The following DGKH variants were observed in gnomAD, a reference collection of about 807,000 sequenced individuals.
The protein encoded by DGKH is diacylglycerol kinase eta.
A neutral mutation model predicts 159.3 loss-of-function variants in DGKH; 90 were observed. That is an observed-to-expected ratio of 0.57 (90% CI 0.48 to 0.67). The LOEUF is 0.67. Among genes scored for constraint, DGKH ranks in the 30% least tolerant of loss-of-function variants. The pLI is 0.00. For missense variants in DGKH, 1,181 were observed against 1,506.1 expected, an observed-to-expected ratio of 0.78 and a Z score of 3.57; for synonymous variants, 536 against 553.8, an observed-to-expected ratio of 0.97 and a Z score of 0.45.
chr13:42,108,447 T>TGAATTCATTTG (rs1416930612), intron 1 of DGKH, among the ~76,000 whole-genome samples: 1 of 152,114 alleles, frequency 6.6e-6, no homozygotes, highest in Non-Finnish European at 1.5e-5. Context: ...GGGAAGGTGC[T>TGAATTCATTTG]GAATTCATTT....
intron 5 of DGKH, among the ~76,000 whole-genome samples, chr13:42,156,535 A>G (rs1189435682): frequency 6.6e-6 from 1 of 152,194 alleles, no homozygotes; most frequent in East Asian, 1.9e-4. Flanking sequence ...GTTATTTTTA[A>G]TATAAGAGCA....
intron 1 of DGKH, among the ~76,000 whole-genome samples, chr13:42,068,700 C>T (rs1882756051): frequency 6.6e-6 from 1 of 152,144 alleles, no homozygotes; most frequent in African/African-American, 2.4e-5. Context: ...TTTCTTTTGT[C>T]TCCTCCTGCA....
chr13:42,114,522 G>C (rs1215919249), intron 1 of DGKH, among the ~76,000 whole-genome samples: 1 of 152,164 alleles, frequency 6.6e-6, no homozygotes, highest in Non-Finnish European at 1.5e-5. Context: ...GAGCATGCAG[G>C]CTACTCAGGG....
In DGKH at chr13:42,189,016, T is replaced by C. The variant is rs748577242; in HGVS notation, c.1639-20T>C. Reference sequence around the variant, plus strand: ...TGATTCTTTTTGAGTATTTTTCTCATTGCCATATTTTCCTCTCAGTGTTCA... The same window carrying C: ...TGATTCTTTTTGAGTATTTTTCTCACTGCCATATTTTCCTCTCAGTGTTCA... On this transcript the variant is annotated intron_variant, in intron 14 of 29. Coordinates refer to ENST00000337343, the MANE Select transcript of DGKH (RefSeq NM_178009.5). 5 of 1,598,164 alleles carry C rather than the reference T, an allele frequency of 3.1e-6. No homozygotes were observed. In the Admixed American group the frequency reaches 6.9e-5, roughly 22 times the overall value.
At chr13:42,152,328 G>C (rs1384404391) in intron 3 of DGKH, among the ~76,000 whole-genome samples, 2 of 151,836 alleles carry the variant, frequency 1.3e-5, no homozygotes, top group Non-Finnish European at 2.9e-5. Context: ...TTCTAGCTTT[G>C]TCCAATAGTC....
intron 1 of DGKH, among the ~76,000 whole-genome samples, chr13:42,083,471 A>G (rs1954246735): frequency 6.6e-6 from 1 of 152,242 alleles, no homozygotes; most frequent in Non-Finnish European, 1.5e-5. Flanking sequence ...AGTTATACAA[A>G]TGCAAGTTTG....
intron 20 of DGKH, among the ~76,000 whole-genome samples, chr13:42,201,054 G>A (rs4942099): frequency 0.22 from 33,093 of 151,756 alleles, 4,406 homozygotes; most frequent in Admixed American, 0.29. Flanking sequence ...GTGTAGTGGT[G>A]CGATCTCGGC....
intron 29 of DGKH, among the ~76,000 whole-genome samples, chr13:42,224,925 TTTG>T (rs563291146): frequency 9.9e-5 from 15 of 151,880 alleles, no homozygotes; most frequent in African/African-American, 3.4e-4. Flanking sequence ...TATACATATA[TTTG>T]TTGTTGTTGT....
intron 25 of DGKH, 85 bp from the exon 26 acceptor site, chr13:42,215,490 T>TTA: frequency 9.5e-7 from 1 of 1,055,246 alleles, no homozygotes; most frequent in East Asian, 2.7e-5. Flanking sequence ...TGAATTTAAA[T>TTA]TATAAGAATA....
At chr13:42,050,639 T>C (rs1470748779) in intron 1 of DGKH, among the ~76,000 whole-genome samples, 1 of 152,192 alleles carries the variant, frequency 6.6e-6, no homozygotes, top group Non-Finnish European at 1.5e-5. Flanking sequence ...CAAATCTTAA[T>C]TCTGAAAAAA....
downstream of DGKH, among the ~76,000 whole-genome samples, chr13:42,243,966 G>C (rs1015427828): frequency 6.6e-6 from 1 of 152,188 alleles, no homozygotes; most frequent in African/African-American, 2.4e-5. Context: ...CCTTAGTGCA[G>C]TTTTAGTGGA....
chr13:42,170,487 C>T (rs1224436882), intron 11 of DGKH, among the ~76,000 whole-genome samples: 1 of 152,054 alleles, frequency 6.6e-6, no homozygotes, highest in Non-Finnish European at 1.5e-5. Flanking sequence ...AACAGCACCC[C>T]CATGGTGAAA....
In DGKH at chr13:42,048,946, C is replaced by T; in HGVS notation, c.173C>T (p.Ser58Leu). 7.6e-7 allele frequency: 1 copy of T among 1,309,178 alleles called. No homozygotes were observed. The highest frequency in any genetic ancestry group is 9.8e-7 in the Non-Finnish European group (1 of 1,021,504). The allele number at this position is 1,309,178 out of a possible 1,614,324, so 81.1% of individuals were successfully genotyped here. Reference sequence around the variant, plus strand: ...AAACTGATCCGCAAAGTGTCTACCTCGGGGCAGATCCGGACCAAGGTAGGG... The same window carrying T: ...AAACTGATCCGCAAAGTGTCTACCTTGGGGCAGATCCGGACCAAGGTAGGG... The part of the protein sequence containing the change: ...PQKLIRKVST[S>L]GQIRTKTSIK... The change falls in exon 1 of 30, where the codon TCG (serine) becomes TTG (leucine). Residue 58 changes from serine to leucine, a missense_variant. Physicochemically the swap from Ser to Leu is moderately radical, Grantham distance 145. Around this residue, in one of 5 missense-constraint regions of DGKH, gnomAD observed 136 missense variants for 132.2 expected, o/e 1.03. Transcript: ENST00000337343. The surrounding 1 kb of genome is among the most constrained non-coding windows in gnomAD (Gnocchi z 6.7).
chr13:42,133,158 A>G (rs1391615473), intron 3 of DGKH, among the ~76,000 whole-genome samples: 2 of 146,510 alleles, frequency 1.4e-5, no homozygotes, highest in Non-Finnish European at 1.5e-5. Flanking sequence ...GTGACAGAGC[A>G]AGACTTTGTC....
intron 3 of DGKH, among the ~76,000 whole-genome samples, chr13:42,138,766 T>C (rs748667927): frequency 6.6e-6 from 1 of 152,204 alleles, no homozygotes; most frequent in Non-Finnish European, 1.5e-5. Context: ...CACCTTTGCT[T>C]ACATAATTTT....
intron 3 of DGKH, among the ~76,000 whole-genome samples, chr13:42,139,238 T>C (rs1437294618): frequency 6.6e-6 from 1 of 152,212 alleles, no homozygotes; most frequent in Non-Finnish European, 1.5e-5. Context: ...CCACCTTCAC[T>C]AGTAGCCTTC....
At chr13:42,215,726 T>A in intron 26 of DGKH, 59 bp downstream of exon 26, 1 of 1,437,128 alleles carries the variant, frequency 7.0e-7, no homozygotes, top group Non-Finnish European at 9.6e-7. Flanking sequence ...GGGTCTTACC[T>A]TCATTGGGGA....
At chr13:42,072,824 C>T (rs1487721818) in intron 1 of DGKH, among the ~76,000 whole-genome samples, 1 of 152,144 alleles carries the variant, frequency 6.6e-6, no homozygotes, top group Non-Finnish European at 1.5e-5. Flanking sequence ...GGCGACCTGC[C>T]CTGGTGATGC....
intron 1 of DGKH, among the ~76,000 whole-genome samples, chr13:42,089,738 CAT>C (rs913607402): frequency 2.0e-5 from 3 of 152,150 alleles, no homozygotes; most frequent in African/African-American, 7.2e-5. Context: ...GAATAACCTC[CAT>C]CTCTCAAGAT....
Sources: allele counts gnomAD v4.1 joint callset (sites outside exome capture counted in the v4.1 genomes callset), GRCh38; gene constraint gnomAD v4.1.1; regional missense constraint gnomAD v4.1.1; non-coding constraint Gnocchi (gnomAD v3.1); transcripts MANE v1.5; gene names NCBI Gene and HGNC (gene_info 2026-07-23, HGNC 2026-07-21).